Variants in MDGA2 observed in about 807,000 individuals in gnomAD.
MDGA2 encodes MAM domain-containing glycosylphosphatidylinositol anchor protein 2.
Under a neutral mutation model 117.8 loss-of-function variants are expected in MDGA2, and 40 were observed. That is an observed-to-expected ratio of 0.34 (90% CI 0.26 to 0.44). The LOEUF (loss-of-function observed/expected upper bound fraction) is 0.44, where lower values mean the gene tolerates loss of function less well. MDGA2 is among the 20% of genes least tolerant of loss of function. The probability of loss-of-function intolerance (pLI) is 1.00; values close to 1 mark genes in which losing one functional copy is unlikely to be tolerated. For synonymous variants in MDGA2, 452 were observed against 439.0 expected (o/e 1.03, Z -0.37); for missense variants, 1,123 against 1,250.6 (o/e 0.90, Z 1.54).
intron 1 of MDGA2, among the ~76,000 whole-genome samples, chr14:47,335,501 G>A (rs1020710351): frequency 1.3e-5 from 2 of 151,212 alleles, no homozygotes; most frequent in Admixed American, 6.6e-5. Flanking sequence ...GGAGCTCAGA[G>A]AATCATGCAG....
chr14:46,868,521 C>T (rs575785034), intron 14 of MDGA2, among the ~76,000 whole-genome samples: 77 of 151,944 alleles, frequency 5.1e-4, no homozygotes, highest in African/African-American at 1.8e-3. Flanking sequence ...ATGAAGCTAC[C>T]CCAAGGAAAA....
At chr14:47,493,536 TTGAACTCC>T (rs1325648501) in intron 1 of MDGA2, among the ~76,000 whole-genome samples, 2 of 151,946 alleles carry the variant, frequency 1.3e-5, no homozygotes, top group Non-Finnish European at 2.9e-5. Context: ...ATGGCTGGTC[TTGAACTCC>T]TGACCTCAAA....
chr14:47,617,209 C>CT (rs1249374796), intron 1 of MDGA2, among the ~76,000 whole-genome samples: 6,076 of 144,214 alleles, frequency 0.042, 351 homozygotes, highest in African/African-American at 0.13. Context: ...TTGTATTAGT[C>CT]TTTTTTTTTT....
intron 6 of MDGA2, among the ~76,000 whole-genome samples, chr14:47,073,369 C>T (rs937772148): frequency 2.0e-5 from 3 of 152,102 alleles, no homozygotes; most frequent in African/African-American, 4.8e-5. Context: ...TAATGTTGTA[C>T]GGTTAGCTCT....
chr14:47,020,621 A>T (rs1364282179), intron 8 of MDGA2, among the ~76,000 whole-genome samples: 3 of 152,218 alleles, frequency 2.0e-5, no homozygotes, highest in Non-Finnish European at 2.9e-5. Flanking sequence ...AGCTAAGAAT[A>T]TTCAAAAGCA....
At chr14:47,438,691 G>GA (rs1892944309) in intron 1 of MDGA2, among the ~76,000 whole-genome samples, 2 of 152,222 alleles carry the variant, frequency 1.3e-5, no homozygotes, top group South Asian at 4.1e-4. Context: ...AGCAAAAGAA[G>GA]AACCAGACCA....
At chr14:47,216,404 T>C (rs1886090383) in intron 3 of MDGA2, among the ~76,000 whole-genome samples, 3 of 152,152 alleles carry the variant, frequency 2.0e-5, no homozygotes, top group Admixed American at 1.3e-4. Context: ...AGCTGGATAT[T>C]TGGCTATATT....
intron 15 of MDGA2, among the ~76,000 whole-genome samples, chr14:46,848,426 G>A (rs560536189): frequency 5.3e-5 from 8 of 151,914 alleles, no homozygotes; most frequent in South Asian, 2.1e-4. Flanking sequence ...CATACATGTC[G>A]TCAAAGTCAT....
intron 1 of MDGA2, among the ~76,000 whole-genome samples, chr14:47,489,771 T>C (rs1894131807): frequency 6.6e-6 from 1 of 152,048 alleles, no homozygotes; most frequent in Admixed American, 6.6e-5. Flanking sequence ...AAGAGCTGGG[T>C]AGCACTTGGT....
At chr14:47,102,675 C>T (rs1047543863) in intron 5 of MDGA2, among the ~76,000 whole-genome samples, 3 of 152,104 alleles carry the variant, frequency 2.0e-5, no homozygotes, top group African/African-American at 4.8e-5. Context: ...TCAAGGGCAC[C>T]GCAAAGCTCT....
chr14:47,391,549 T>C (rs965157086), intron 1 of MDGA2, among the ~76,000 whole-genome samples: 48 of 152,282 alleles, frequency 3.2e-4, no homozygotes, highest in African/African-American at 1.1e-3. Flanking sequence ...CCATCTCACT[T>C]TGGACATCTG....
chr14:47,313,711 A>G (rs1359953541), intron 1 of MDGA2, among the ~76,000 whole-genome samples: 1 of 152,190 alleles, frequency 6.6e-6, no homozygotes, highest in East Asian at 1.9e-4. Context: ...GATATTAGTA[A>G]ATGTAATAAG....
At chr14:46,981,956 A>T (rs2138384811) in intron 8 of MDGA2, among the ~76,000 whole-genome samples, 1 of 152,380 alleles carries the variant, frequency 6.6e-6, no homozygotes, top group South Asian at 2.1e-4. Flanking sequence ...AGTGATGGAT[A>T]GGAGGATATC....
At chr14:46,924,676 C>T (rs1439505643) in intron 9 of MDGA2, among the ~76,000 whole-genome samples, 1 of 151,258 alleles carries the variant, frequency 6.6e-6, no homozygotes, top group Non-Finnish European at 1.5e-5. Flanking sequence ...TCAGATTGCA[C>T]AATCTCAGAA....
rs562588210 is a variant in MDGA2 at position 47,547,602 on chromosome 14, A to C, written c.280+126915T>G. 2.6e-5 allele frequency among the ~76,000 whole-genome samples: 4 copies of C among 152,344 alleles called. No homozygotes were observed. The South Asian group carries it at 8.3e-4, about 32-fold the overall frequency. ...AGCTAAGAGAGAAATAGCATTTTTC[A>C]CAGCTACTTGACATTCCCAGGTTTG... On this transcript the variant is annotated intron_variant, in intron 1 of 16. Transcript: ENST00000399232.
intron 8 of MDGA2, among the ~76,000 whole-genome samples, chr14:46,967,475 A>G (rs1886081090): frequency 6.6e-6 from 1 of 152,226 alleles, no homozygotes; most frequent in Admixed American, 6.5e-5. Flanking sequence ...AGGGAATTAA[A>G]TTCTTCCATT....
At chr14:47,529,233 A>C (rs1015763226) in intron 1 of MDGA2, among the ~76,000 whole-genome samples, 1 of 152,118 alleles carries the variant, frequency 6.6e-6, no homozygotes, top group African/African-American at 2.4e-5. Context: ...AACTTTAGCG[A>C]GTTTATTTTC....
intron 5 of MDGA2, among the ~76,000 whole-genome samples, chr14:47,128,278 T>C (rs1354198141): frequency 6.6e-6 from 1 of 152,122 alleles, no homozygotes; most frequent in Non-Finnish European, 1.5e-5. Context: ...GTTCCTATAG[T>C]TATAAAAATA....
intron 1 of MDGA2, among the ~76,000 whole-genome samples, chr14:47,609,643 A>G (rs1277386680): frequency 6.6e-6 from 1 of 150,896 alleles, no homozygotes; most frequent in Non-Finnish European, 1.5e-5. Context: ...TTCTACTTTC[A>G]GCTCTTTAAG....
Sources: allele counts gnomAD v4.1 joint callset (sites outside exome capture counted in the v4.1 genomes callset), GRCh38; gene constraint gnomAD v4.1.1; transcripts MANE v1.5; gene names NCBI Gene and HGNC (gene_info 2026-07-23, HGNC 2026-07-21).